SLC35F1: variants seen among roughly 807,000 people sequenced by gnomAD.
SLC35F1 encodes solute carrier family 35 member F1.
Under a neutral mutation model 48.7 loss-of-function variants are expected in SLC35F1, and 14 were observed. The ratio of observed to expected loss-of-function variants is 0.29; its 90% CI spans 0.19 to 0.45. The LOEUF is 0.45. SLC35F1 is among the 20% of genes least tolerant of loss of function. The pLI is 1.00. For synonymous variants in SLC35F1, 190 were observed against 202.2 expected (o/e 0.94, Z 0.51); for missense variants, 404 against 500.0 (o/e 0.81, Z 1.83).
intron 1 of SLC35F1, among the ~76,000 whole-genome samples, chr6:117,927,745 G>C (rs1177572355): frequency 1.3e-5 from 2 of 152,176 alleles, no homozygotes; most frequent in African/African-American, 4.8e-5. Flanking sequence ...TGATGGGATG[G>C]ATGTGCTTCC....
At chr6:117,987,708 T>C (rs1006246074) in intron 1 of SLC35F1, among the ~76,000 whole-genome samples, 1 of 152,174 alleles carries the variant, frequency 6.6e-6, no homozygotes, top group Admixed American at 6.5e-5. Flanking sequence ...CATATTTCCA[T>C]AATTATTTTG....
intron 2 of SLC35F1, among the ~76,000 whole-genome samples, chr6:118,218,418 G>A (rs982144375): frequency 3.3e-5 from 5 of 152,102 alleles, no homozygotes; most frequent in Non-Finnish European, 7.4e-5. Flanking sequence ...GGTGGAGGGA[G>A]GGCGGGGATA....
At chr6:118,047,739 G>T (rs139937268) in intron 1 of SLC35F1, among the ~76,000 whole-genome samples, 1 of 152,238 alleles carries the variant, frequency 6.6e-6, no homozygotes, top group African/African-American at 2.4e-5. Flanking sequence ...ACACAAGATG[G>T]TAACTGTCCT....
chr6:118,125,929 C>CT (rs750005360), intron 1 of SLC35F1, among the ~76,000 whole-genome samples: 4 of 152,018 alleles, frequency 2.6e-5, no homozygotes, highest in African/African-American at 9.7e-5. Flanking sequence ...AATCGCTGTT[C>CT]TTTTTTTTAG....
At chr6:118,197,399 C>G (rs1288293808) in intron 2 of SLC35F1, among the ~76,000 whole-genome samples, 1 of 152,034 alleles carries the variant, frequency 6.6e-6, no homozygotes, top group East Asian at 1.9e-4. Context: ...TTTATGCTAC[C>G]TTTATTGTAA....
chr6:117,961,631 C>T (rs1469357258), intron 1 of SLC35F1, among the ~76,000 whole-genome samples: 1 of 152,204 alleles, frequency 6.6e-6, no homozygotes, highest in Non-Finnish European at 1.5e-5. Context: ...AAGGACCTGA[C>T]TGCCATTTTT....
chr6:118,152,429 C>T (rs145061825), intron 1 of SLC35F1, among the ~76,000 whole-genome samples: 63 of 152,286 alleles, frequency 4.1e-4, no homozygotes, highest in Non-Finnish European at 7.4e-4. Flanking sequence ...AAAACAGCCT[C>T]ATGTATTATT....
chr6:118,083,500 G>A (rs552883926), intron 1 of SLC35F1, among the ~76,000 whole-genome samples: 4 of 152,230 alleles, frequency 2.6e-5, no homozygotes, highest in Middle Eastern at 3.4e-3. Context: ...TACAAAATTT[G>A]TCATTCAAAA....
chr6:118,029,783 GA>G (rs1772014915), intron 1 of SLC35F1, among the ~76,000 whole-genome samples: 1 of 152,132 alleles, frequency 6.6e-6, no homozygotes, highest in Admixed American at 6.5e-5. Flanking sequence ...AAAAAAGTAT[GA>G]ATTTTTTTTT....
intron 2 of SLC35F1, among the ~76,000 whole-genome samples, chr6:118,230,350 A>T (rs935515996): frequency 6.6e-6 from 1 of 152,048 alleles, no homozygotes; most frequent in Non-Finnish European, 1.5e-5. Flanking sequence ...AAAAAAAAAA[A>T]AGAAGAAAAA....
chr6:117,964,788 G>A (rs540292286), intron 1 of SLC35F1, among the ~76,000 whole-genome samples: 1 of 152,334 alleles, frequency 6.6e-6, no homozygotes, highest in Middle Eastern at 3.4e-3. Flanking sequence ...TCACCACACA[G>A]AAACCTAATC....
At chr6:117,923,522 T>C (rs887150663) in intron 1 of SLC35F1, among the ~76,000 whole-genome samples, 24 of 146,400 alleles carry the variant, frequency 1.6e-4, no homozygotes, top group African/African-American at 5.7e-4. Flanking sequence ...TACATGTGTA[T>C]ATACACATAT....
chr6:118,209,903 T>C (rs1041233000), intron 2 of SLC35F1, among the ~76,000 whole-genome samples: 2 of 152,172 alleles, frequency 1.3e-5, no homozygotes, highest in Admixed American at 1.3e-4. Flanking sequence ...TCCAGGGCAA[T>C]CTATATGACA....
At position 117,952,006 on chromosome 6, in the gene SLC35F1, C is replaced by T. The variant is rs143269542; in HGVS notation, c.173+44107C>T. Among the ~76,000 whole-genome samples, 13 of 152,346 alleles carry T rather than the reference C, an allele frequency of 8.5e-5. No homozygotes were observed. The South Asian group carries it at 1.2e-3, about 15-fold the overall frequency. On this transcript the variant is annotated intron_variant, in intron 1 of 7. Coordinates refer to ENST00000360388, the MANE Select transcript of SLC35F1 (RefSeq NM_001029858.4). Reference sequence around the variant, plus strand: ...TGCTGCCTGAGTTGTGGCTGCCAGCCGGCAGCCTGCCTCATGCTGTGTCCT... The same window carrying T: ...TGCTGCCTGAGTTGTGGCTGCCAGCTGGCAGCCTGCCTCATGCTGTGTCCT...
chr6:118,293,070 T>G lies in SLC35F1; in HGVS notation c.1002+7732T>G, dbSNP rs553273869. ...ACATGGAGGCTTTTCCATTGGAGGGTGTGCTGGCTTTTCAAGGTCAGAGCT... is the reference window on the plus strand; with the variant it reads ...ACATGGAGGCTTTTCCATTGGAGGGGGTGCTGGCTTTTCAAGGTCAGAGCT... On this transcript the variant is annotated intron_variant, in intron 7 of 7. Transcript: ENST00000360388. 9.2e-5 allele frequency among the ~76,000 whole-genome samples: 14 copies of G among 151,898 alleles called. No homozygotes were observed. The East Asian group carries it at 2.7e-3, about 30-fold the overall frequency.
At chr6:117,924,882 A>G (rs1369314364) in intron 1 of SLC35F1, among the ~76,000 whole-genome samples, 3 of 152,280 alleles carry the variant, frequency 2.0e-5, no homozygotes, top group East Asian at 1.9e-4. Context: ...GCTGTAAGCA[A>G]TAAGCCTCTA....
intron 1 of SLC35F1, among the ~76,000 whole-genome samples, chr6:117,923,670 T>TATGTATATATAC (rs1554216692): frequency 3.7e-5 from 1 of 26,826 alleles, no homozygotes; most frequent in Non-Finnish European, 6.0e-5. Flanking sequence ...TATATATACA[T>TATGTATATATAC]ATATGTACAT....
chr6:118,255,201 A>T (rs1775626798), intron 3 of SLC35F1, among the ~76,000 whole-genome samples: 1 of 152,170 alleles, frequency 6.6e-6, no homozygotes, highest in South Asian at 2.1e-4. Flanking sequence ...CTGTGATCAC[A>T]TCCTGGCTCT....
rs138887789 is a variant in SLC35F1, at chr6:118,045,380, G to T, written c.174-109065G>T. Reference sequence around the variant, plus strand: ...AGGTCAAGTTCACTAGATATATGCTGTTTATGGACAGGGAGGTCTCAAGGG... The same window carrying T: ...AGGTCAAGTTCACTAGATATATGCTTTTTATGGACAGGGAGGTCTCAAGGG... On this transcript the variant is annotated intron_variant, in intron 1 of 7. Coordinates refer to ENST00000360388, the MANE Select transcript of SLC35F1 (RefSeq NM_001029858.4). Among the ~76,000 whole-genome samples, 1,114 of 152,294 alleles carry T rather than the reference G, an allele frequency of 7.3e-3. 12 individuals are homozygous for T. The highest frequency in any genetic ancestry group is 0.024 in the Middle Eastern group (7 of 294).
Sources: allele counts gnomAD v4.1 joint callset (sites outside exome capture counted in the v4.1 genomes callset), GRCh38; gene constraint gnomAD v4.1.1; transcripts MANE v1.5; gene names NCBI Gene and HGNC (gene_info 2026-07-23, HGNC 2026-07-21).